Variants in CTNNA2 observed in about 807,000 individuals in gnomAD.
CTNNA2 encodes catenin alpha 2.
A neutral mutation model predicts 101.0 loss-of-function variants in CTNNA2; 42 were observed. That is an observed-to-expected ratio of 0.42 (90% CI 0.32 to 0.54). CTNNA2 has a LOEUF of 0.54. Among genes scored for constraint, CTNNA2 ranks in the 20% least tolerant of loss-of-function variants. CTNNA2 has a pLI of 0.14. For synonymous variants in CTNNA2, 450 were observed against 456.4 expected (o/e 0.99, Z 0.18); for missense variants, 871 against 1,223.1 (o/e 0.71, Z 4.29).
intron 7 of CTNNA2, among the ~76,000 whole-genome samples, chr2:80,326,394 C>G (rs1679244363): frequency 6.6e-6 from 1 of 152,104 alleles, no homozygotes; most frequent in South Asian, 2.1e-4. Context: ...TCTTTTCATC[C>G]TCCAGCAGAT....
rs563724358 is a variant in CTNNA2, at chr2:80,277,845, G to A, written c.1057-115366G>A. Among the ~76,000 whole-genome samples, 3 of 152,194 alleles carry A rather than the reference G, an allele frequency of 2.0e-5. No individual in the cohort carries two copies. The East Asian group carries it at 5.8e-4, about 30-fold the overall frequency. On this transcript the variant is annotated intron_variant, in intron 7 of 18. Coordinates refer to ENST00000402739, the MANE Select transcript of CTNNA2 (RefSeq NM_001282597.3). ...AACCTTCTGGTAATTTCTCCTCAGA[G>A]CCCTGTTCTGCCCTTCATGAAACAG... is the stretch of plus-strand genomic sequence containing the variant.
intron 2 of CTNNA2, among the ~76,000 whole-genome samples, chr2:79,265,146 C>A (rs924435850): frequency 1.3e-5 from 2 of 152,164 alleles, no homozygotes; most frequent in Non-Finnish European, 2.9e-5. Flanking sequence ...TTTACTCATT[C>A]GGTTCTTCTC....
chr2:80,395,034 CA>C (rs768150292), intron 8 of CTNNA2, among the ~76,000 whole-genome samples: 4 of 152,028 alleles, frequency 2.6e-5, no homozygotes, highest in Non-Finnish European at 5.9e-5. Flanking sequence ...CCAATCATGG[CA>C]GGATTATTAT....
intron 6 of CTNNA2, 76 bp from the exon 7 acceptor site, chr2:79,909,518 C>A (rs544724480): frequency 2.4e-6 from 3 of 1,230,386 alleles, no homozygotes; most frequent in African/African-American, 1.5e-5. Flanking sequence ...TCAGATATTT[C>A]TGGTTTCAAA....
intron 7 of CTNNA2, among the ~76,000 whole-genome samples, chr2:80,148,217 C>A (rs1401373116): frequency 6.6e-6 from 1 of 152,144 alleles, no homozygotes; most frequent in Non-Finnish European, 1.5e-5. Context: ...AAGGCATTGG[C>A]AGATTTCTTT....
chr2:80,636,850 G>A (rs1244036178), intron 18 of CTNNA2, among the ~76,000 whole-genome samples: 5 of 152,088 alleles, frequency 3.3e-5, no homozygotes, highest in Non-Finnish European at 1.5e-5. Flanking sequence ...TATTTTAGGT[G>A]TCACATTTTT....
At chr2:79,281,378 A>T (rs1235115079) in intron 2 of CTNNA2, 1 of 152,090 alleles carries the variant, frequency 6.6e-6, no homozygotes, top group Non-Finnish European at 1.5e-5. Context: ...CTCCCCTTTA[A>T]CGGCTCCATT....
At chr2:79,687,865 C>T (rs1307029402) in intron 2 of CTNNA2, 8 of 367,856 alleles carry the variant, frequency 2.2e-5, no homozygotes, top group Non-Finnish European at 3.4e-5. Flanking sequence ...GGATGAATGT[C>T]CCGGAATAGA....
intron 7 of CTNNA2, among the ~76,000 whole-genome samples, chr2:79,977,899 T>C (rs913882952): frequency 6.6e-6 from 1 of 152,116 alleles, no homozygotes; most frequent in African/African-American, 2.4e-5. Flanking sequence ...TGTCAGCCTT[T>C]ACTGAGTACC....
intron 4 of CTNNA2, among the ~76,000 whole-genome samples, chr2:79,431,014 T>C (rs1381187291): frequency 6.6e-6 from 1 of 152,166 alleles, no homozygotes; most frequent in Non-Finnish European, 1.5e-5. Context: ...CAAGCATTGC[T>C]GGAAGAATGA....
chr2:79,512,705 C>T (rs567897725), upstream of CTNNA2, among the ~76,000 whole-genome samples: 91 of 152,048 alleles, frequency 6.0e-4, 1 homozygote, highest in East Asian at 0.017. Context: ...CGGCGGTGCC[C>T]CTTCGCCGCC....
intron 3 of CTNNA2, among the ~76,000 whole-genome samples, chr2:79,844,915 C>G (rs1351094688): frequency 1.3e-5 from 2 of 150,482 alleles, no homozygotes; most frequent in South Asian, 2.1e-4. Context: ...TGTGACTGAT[C>G]TCTGCCATCT....
intron 2 of CTNNA2, among the ~76,000 whole-genome samples, chr2:79,229,823 A>T (rs1162032488): frequency 6.6e-6 from 1 of 152,218 alleles, no homozygotes; most frequent in African/African-American, 2.4e-5. Context: ...GGAATCAGAG[A>T]GAAATGAGGA....
intron 9 of CTNNA2, among the ~76,000 whole-genome samples, chr2:80,497,109 A>G (rs921452664): frequency 6.6e-6 from 1 of 152,220 alleles, no homozygotes; most frequent in Non-Finnish European, 1.5e-5. Flanking sequence ...AAGAAAAGAT[A>G]TCTGAGCATG....
intron 7 of CTNNA2, among the ~76,000 whole-genome samples, chr2:79,914,164 C>T (rs1251987713): frequency 1.3e-4 from 9 of 69,888 alleles, no homozygotes; most frequent in African/African-American, 6.6e-4. Context: ...GAGACTCCGT[C>T]TCAAAAAAAA....
At position 80,183,980 on chromosome 2, in the gene CTNNA2, T is replaced by A. The variant is rs550099694; in HGVS notation, c.1057-209231T>A. 3.9e-5 allele frequency among the ~76,000 whole-genome samples: 6 copies of A among 152,126 alleles called. No homozygotes were observed. In the South Asian group the frequency reaches 1.2e-3, roughly 32 times the overall value. On this transcript the variant is annotated intron_variant, in intron 7 of 18. Transcript: ENST00000402739. ...AGTCATCAACTTGTGAGCTTGTGCC[T>A]TGTTTTTTGAACAACTAAAAGTCAT...
chr2:79,768,526 C>A (rs938674980), intron 3 of CTNNA2, among the ~76,000 whole-genome samples: 3 of 151,660 alleles, frequency 2.0e-5, no homozygotes, highest in Non-Finnish European at 4.4e-5. Context: ...GCCTCCTCCC[C>A]AGCTTTCTTG....
intron 7 of CTNNA2, among the ~76,000 whole-genome samples, chr2:80,043,824 A>C (rs1338043175): frequency 6.6e-6 from 1 of 152,208 alleles, no homozygotes; most frequent in African/African-American, 2.4e-5. Context: ...GTGAGGCTTT[A>C]TTTTATTATG....
In CTNNA2 at chr2:79,540,003, T is replaced by G. The variant is rs965199334; in HGVS notation, c.-6+26796T>G. 7.2e-5 allele frequency among the ~76,000 whole-genome samples: 11 copies of G among 152,206 alleles called. 1 individual carries two copies. The South Asian group carries it at 2.3e-3, about 31-fold the overall frequency. Reference sequence around the variant, plus strand: ...TTTAATTAGCAGTTACACACTAATTTGTATATAATTCCTAAATTCCTTTCT... The same window carrying G: ...TTTAATTAGCAGTTACACACTAATTGGTATATAATTCCTAAATTCCTTTCT... On this transcript the variant is annotated intron_variant, in intron 1 of 18. Transcript: ENST00000402739.
Sources: gnomAD v4.1 joint callset for allele counts (sites outside exome capture counted in the v4.1 genomes callset) on GRCh38, gnomAD v4.1.1 for gene constraint, MANE v1.5 for transcripts, NCBI Gene and HGNC (gene_info 2026-07-23, HGNC 2026-07-21) for gene names.